The following TNIP3 variants were observed in gnomAD, a reference collection of about 807,000 sequenced individuals.
TNIP3 encodes the protein TNFAIP3-interacting protein 3.
Under a neutral mutation model 54.1 loss-of-function variants are expected in TNIP3, and 34 were observed. The observed-to-expected ratio is 0.63, with a 90% confidence interval of 0.48 to 0.84. The LOEUF (loss-of-function observed/expected upper bound fraction) is 0.84. Ranked by LOEUF, TNIP3 falls within the 40% of genes least tolerant of loss-of-function variation. The pLI is 0.00. For missense variants in TNIP3, 366 were observed against 387.6 expected (o/e 0.94, Z 0.47); for synonymous variants, 134 against 136.8 (o/e 0.98, Z 0.14).
At chr4:121,164,528 T>C (rs1730652974), upstream of TNIP3, among the ~76,000 whole-genome samples, 1 of 152,190 alleles carries the variant, frequency 6.6e-6, no homozygotes, top group Non-Finnish European at 1.5e-5. Context: ...GCAATCCAAG[T>C]GTTTCCTCAG....
intron 1 of TNIP3, 116 bp from the exon 2 acceptor site, chr4:121,161,332 T>A (rs988573508): frequency 6.2e-5 from 49 of 792,364 alleles, no homozygotes; most frequent in Non-Finnish European, 8.5e-5. Context: ...ATTTAAAAAA[T>A]ACCTGATTCT....
At chr4:121,185,007 C>T (rs535834964) in intron 2 of TNIP3, among the ~76,000 whole-genome samples, 14 of 152,298 alleles carry the variant, frequency 9.2e-5, no homozygotes, top group South Asian at 6.2e-4. Context: ...AGGCAGCTTT[C>T]GGACCTATTC....
upstream of TNIP3, among the ~76,000 whole-genome samples, chr4:121,165,916 AAAAAG>A (rs1730741904): frequency 6.6e-6 from 1 of 152,226 alleles, no homozygotes; most frequent in Admixed American, 6.5e-5. Context: ...ATCAGAAAAG[AAAAAG>A]AAAACTCTAT....
intron 3 of TNIP3, among the ~76,000 whole-genome samples, chr4:121,180,914 T>C (rs1724655544): frequency 6.6e-6 from 1 of 152,226 alleles, no homozygotes; most frequent in Admixed American, 6.5e-5. Context: ...TCAGTCTCTG[T>C]AGATGTCTTT....
chr4:121,138,581 AG>A, intron 10 of TNIP3, 42 bp downstream of exon 10: 1 of 1,558,118 alleles, frequency 6.4e-7, no homozygotes, highest in Non-Finnish European at 8.9e-7. Context: ...GATCCCATTA[AG>A]ATGTAAACAT....
In TNIP3 at chr4:121,157,254, C is replaced by A; in HGVS notation, c.214-11G>T. 3 of 1,614,064 alleles carry A rather than the reference C, an allele frequency of 1.9e-6. No individual in the cohort carries two copies. The highest frequency in any genetic ancestry group is 8.5e-7 in the Non-Finnish European group (1 of 1,180,010). ...CTTCAGCTCTGCTACCTGAGGAGGTCGTTCAAAGACAGCTGCAGATACCTT... is the reference window on the plus strand; with the variant it reads ...CTTCAGCTCTGCTACCTGAGGAGGTAGTTCAAAGACAGCTGCAGATACCTT... On this transcript the variant is annotated splice_polypyrimidine_tract_variant and intron_variant, in intron 3 of 10. Transcript: ENST00000057513.
At chr4:121,188,633 C>T (rs548152968) in intron 2 of TNIP3, among the ~76,000 whole-genome samples, 1 of 152,182 alleles carries the variant, frequency 6.6e-6, no homozygotes, top group East Asian at 1.9e-4. Flanking sequence ...AGAATCCTAT[C>T]TGGTAGAGAA....
At chr4:121,157,908 G>T (rs1463399338) in intron 3 of TNIP3, among the ~76,000 whole-genome samples, 1 of 152,188 alleles carries the variant, frequency 6.6e-6, no homozygotes, top group African/African-American at 2.4e-5. Flanking sequence ...TGCCCCAGCA[G>T]GGATATTGCA....
chr4:121,191,478 A>G (rs1258394171), intron 2 of TNIP3, among the ~76,000 whole-genome samples: 1 of 152,240 alleles, frequency 6.6e-6, no homozygotes, highest in Non-Finnish European at 1.5e-5. Context: ...CATTTAAATG[A>G]TGTATTTTAC....
At chr4:121,154,095 A>C in intron 5 of TNIP3, 1 of 185,284 alleles carries the variant, frequency 5.4e-6, no homozygotes, top group Non-Finnish European at 1.1e-5. Flanking sequence ...TTAGGCTTGC[A>C]CTTGAGAGAG....
intron 8 of TNIP3, 54 bp from the exon 9 acceptor site, chr4:121,141,968 C>A: frequency 8.0e-7 from 1 of 1,254,054 alleles, no homozygotes; most frequent in Non-Finnish European, 1.1e-6. Flanking sequence ...TGAGGAGTTG[C>A]AGTGACATTG....
intron 8 of TNIP3, 130 bp downstream of exon 8, chr4:121,142,596 T>G: frequency 1.3e-6 from 1 of 779,736 alleles, no homozygotes. Context: ...CCGTTGATGG[T>G]GTAGTCAGTA....
intron 7 of TNIP3, among the ~76,000 whole-genome samples, chr4:121,146,688 T>A (rs981934889): frequency 6.6e-6 from 1 of 152,144 alleles, no homozygotes; most frequent in Non-Finnish European, 1.5e-5. Flanking sequence ...CATTCCAACA[T>A]AGCCCTTCAA....
chr4:121,204,750 T>C (rs1286752031), intron 2 of TNIP3, among the ~76,000 whole-genome samples: 1 of 152,200 alleles, frequency 6.6e-6, no homozygotes, highest in Non-Finnish European at 1.5e-5. Flanking sequence ...TCCAAGGGTA[T>C]GGACATTAAA....
chr4:121,176,514 T>TATGATGATG lies in TNIP3; in HGVS notation c.189+6153_189+6161dup, dbSNP rs70948383. Among the ~76,000 whole-genome samples, 219 of 147,284 alleles carry TATGATGATG rather than the reference T, an allele frequency of 1.5e-3. 1 individual carries two copies. The highest frequency in any genetic ancestry group is 4.1e-3 in the African/African-American group (164 of 40,142). ...AGGCTCAAGCTCATCCTACTAGCAT[T>TATGATGATG]ATGATGATGATGATGATGATGATGA... On this transcript the variant is annotated intron_variant, in intron 3 of 12. Transcript: ENST00000507879.
intron 7 of TNIP3, 35 bp downstream of exon 7, chr4:121,147,014 C>G (rs1283573993): frequency 1.9e-6 from 3 of 1,579,042 alleles, no homozygotes; most frequent in Non-Finnish European, 8.6e-7. Flanking sequence ...AATATACATA[C>G]ATGCTGGCAA....
Position 121,132,550 on chromosome 4 carries a change from C to A in TNIP3, c.*81G>T. 3 of 1,343,988 alleles carry A rather than the reference C, an allele frequency of 2.2e-6. No individual in the cohort carries two copies. The highest frequency in any genetic ancestry group is 3.2e-6 in the Non-Finnish European group (3 of 942,176). 83.3% of individuals were successfully genotyped at this position (1,343,988 alleles called of 1,614,324 possible). A position where few individuals can be genotyped will look rare whatever the true frequency, so the allele number is the denominator to read the frequency against. ...AGATGATGTGCCTTTGTGGCAGAAA[C>A]AAGCCTCAGTATAAACAAAGAAGAG... On this transcript the variant is annotated 3_prime_UTR_variant, in exon 11 of 11. Coordinates refer to ENST00000057513, the MANE Select transcript of TNIP3 (RefSeq NM_024873.6).
intron 2 of TNIP3, among the ~76,000 whole-genome samples, chr4:121,212,699 C>T (rs181452564): frequency 2.2e-4 from 34 of 152,184 alleles, no homozygotes; most frequent in African/African-American, 8.2e-4. Context: ...TATGAATGGA[C>T]GGAAGATACA....
At chr4:121,199,655 A>G (rs1202392324) in intron 2 of TNIP3, among the ~76,000 whole-genome samples, 1 of 152,214 alleles carries the variant, frequency 6.6e-6, no homozygotes. Flanking sequence ...TGTGTGCACC[A>G]AGCTTCAACA....
Sources: gnomAD v4.1 joint callset for allele counts (sites outside exome capture counted in the v4.1 genomes callset) on GRCh38, gnomAD v4.1.1 for gene constraint, MANE v1.5 for transcripts, NCBI Gene and HGNC (gene_info 2026-07-23, HGNC 2026-07-21) for gene names.